STRA6: variants seen among roughly 807,000 people sequenced by gnomAD.
STRA6 encodes the protein receptor for retinol uptake STRA6.
A neutral mutation model predicts 83.6 loss-of-function variants in STRA6; 48 were observed. That is an observed-to-expected ratio of 0.57 (90% CI 0.46 to 0.73). The LOEUF is 0.73. STRA6 is among the 30% of genes least tolerant of loss of function. STRA6 has a pLI of 0.00. For synonymous variants in STRA6, 353 were observed against 362.3 expected (o/e 0.97, Z 0.29); for missense variants, 760 against 838.8 (o/e 0.91, Z 1.16).
At chr15:74,191,680 T>A (rs1285963011) in intron 8 of STRA6, 189 bp from the exon 9 acceptor site, 1 of 640,362 alleles carries the variant, frequency 1.6e-6, no homozygotes, top group East Asian at 2.7e-5. Flanking sequence ...GCTTCCCTTT[T>A]CTCTCTCACA....
At chr15:74,183,712 G>A (rs2073102894) in intron 14 of STRA6, 144 bp downstream of exon 14, 9 of 1,586,712 alleles carry the variant, frequency 5.7e-6, no homozygotes, top group South Asian at 1.1e-5. Flanking sequence ...AGGCAGGGGG[G>A]TCCCTCCTTC....
intron 12 of STRA6, among the ~76,000 whole-genome samples, chr15:74,186,719 C>T (rs142431109): frequency 3.9e-5 from 6 of 152,050 alleles, no homozygotes; most frequent in Admixed American, 6.6e-5. Flanking sequence ...TGCAGTGAGC[C>T]GAGATTGCAC....
chr15:74,209,078 C>T (rs1019426365), upstream of STRA6: 1 of 1,256,138 alleles, frequency 8.0e-7, no homozygotes, highest in Non-Finnish European at 1.0e-6. Context: ...GGCTCTGCCC[C>T]TCCTCCTGCC....
intron 2 of STRA6, among the ~76,000 whole-genome samples, chr15:74,201,597 T>C (rs1307938234): frequency 1.3e-5 from 2 of 152,132 alleles, no homozygotes; most frequent in Non-Finnish European, 2.9e-5. Flanking sequence ...GCACTTCTGC[T>C]AAAGGGAATA....
At chr15:74,211,624 G>A (rs1020782429), upstream of STRA6, among the ~76,000 whole-genome samples, 17 of 151,964 alleles carry the variant, frequency 1.1e-4, no homozygotes, top group African/African-American at 3.9e-4. Flanking sequence ...GGCTGGTCTC[G>A]AACTCCTAAC....
intron 12 of STRA6, among the ~76,000 whole-genome samples, chr15:74,186,162 G>A (rs1356117153): frequency 1.3e-5 from 2 of 152,228 alleles, no homozygotes; most frequent in Admixed American, 6.5e-5. Flanking sequence ...GCCTTAGCCT[G>A]TGAAAGCAAC....
intron 12 of STRA6, among the ~76,000 whole-genome samples, chr15:74,187,290 A>G (rs2073301725): frequency 6.6e-6 from 1 of 151,924 alleles, no homozygotes; most frequent in African/African-American, 2.4e-5. Flanking sequence ...CACTCACACA[A>G]TCTTCCTGCT....
rs2141991865 is a variant in STRA6 at position 74,180,270 on chromosome 15, C to A, written c.1841-27G>T. The A allele has an allele frequency of 2.5e-6, 4 of 1,613,868 alleles. No homozygotes were observed. In the South Asian group the frequency reaches 4.4e-5, roughly 18 times the overall value. On this transcript the variant is annotated intron_variant, in intron 18 of 18. Coordinates refer to ENST00000395105, the MANE Select transcript of STRA6 (RefSeq NM_022369.4). ...TGAGAGAGACGGACTTTCTGTGAGT[C>A]ACTCAGCAAACACCCAGCCAACCCT... is the stretch of plus-strand genomic sequence containing the variant.
chr15:74,212,076 G>A (rs772660257), upstream of STRA6: 1 of 152,588 alleles, frequency 6.6e-6, no homozygotes, highest in Non-Finnish European at 1.5e-5. Context: ...GCCTTGTCTT[G>A]TGCTGACTCA....
At chr15:74,181,872 C>T (rs2073011246) in intron 16 of STRA6, among the ~76,000 whole-genome samples, 1 of 152,194 alleles carries the variant, frequency 6.6e-6, no homozygotes, top group Non-Finnish European at 1.5e-5. Flanking sequence ...TGGGGAGGGG[C>T]ATGGTTTTAA....
intron 4 of STRA6, 32 bp downstream of exon 4, chr15:74,197,306 C>T: frequency 6.6e-7 from 1 of 1,521,882 alleles, no homozygotes; most frequent in Non-Finnish European, 8.9e-7. Context: ...GCTGGGTCCC[C>T]TGAGTGGGGG....
chr15:74,195,901 C>T, intron 5 of STRA6, 107 bp downstream of exon 5: 1 of 1,495,866 alleles, frequency 6.7e-7, no homozygotes, highest in Non-Finnish European at 9.1e-7. Context: ...ATCTCATTGA[C>T]AGCTGTTCCT....
intron 2 of STRA6, among the ~76,000 whole-genome samples, chr15:74,201,366 G>A (rs1294531884): frequency 6.6e-6 from 1 of 152,140 alleles, no homozygotes; most frequent in African/African-American, 2.4e-5. Flanking sequence ...TAAGGGATGG[G>A]GCCAGGCCTG....
chr15:74,189,726 C>T (rs1355855320), intron 11 of STRA6, among the ~76,000 whole-genome samples: 1 of 149,652 alleles, frequency 6.7e-6, no homozygotes, highest in African/African-American at 2.5e-5. Context: ...TGCAGTGGCG[C>T]GATCTCGGCT....
chr15:74,199,459 G>A (rs761070806), intron 2 of STRA6, among the ~76,000 whole-genome samples: 65 of 149,844 alleles, frequency 4.3e-4, no homozygotes, highest in Admixed American at 2.1e-3. Flanking sequence ...CTCTCACTCT[G>A]GTGCGTAGGG....
At position 74,196,012 on chromosome 15, in the gene STRA6, G is replaced by A. The variant is rs2073796951; in HGVS notation, c.402C>T (p.Ser134=). ...GGCCTGGGGGTCAGTGGGTACCTTG[G>A]CTGGGTGCTGAGGCGAGAGTCAGGA... ...LPFLTLASAP[S]QDGKTEAPRG... Residue 134 remains serine (S), a synonymous_variant, in exon 5 of 19, where the codon AGC becomes AGT. Coordinates refer to ENST00000395105, the MANE Select transcript of STRA6 (RefSeq NM_022369.4). The A allele has an allele frequency of 1.2e-6, 2 of 1,613,810 alleles. No homozygotes were observed. The highest frequency in any genetic ancestry group is 1.1e-5 in the South Asian group (1 of 91,064).
rs575303239 is a variant in STRA6 at position 74,184,195 on chromosome 15, C to T, written c.1167-206G>A. Among the ~76,000 whole-genome samples the T allele has an allele frequency of 2.6e-5, 4 of 152,234 alleles. No individual in the cohort carries two copies. The East Asian group carries it at 7.7e-4, about 29-fold the overall frequency. On this transcript the variant is annotated intron_variant, in intron 13 of 18. Transcript: ENST00000395105. Reference sequence around the variant, plus strand: ...TATCTGGGTAGTCTTAAACAGTGAACGAGGAATACAAAACGAGGCAGAAGG... The same window carrying T: ...TATCTGGGTAGTCTTAAACAGTGAATGAGGAATACAAAACGAGGCAGAAGG...
intron 7 of STRA6, chr15:74,195,017 G>A: frequency 7.0e-7 from 1 of 1,434,188 alleles, no homozygotes; most frequent in South Asian, 1.5e-5. Context: ...ATTGGGGGTG[G>A]GGGCCATTTC....
At chr15:74,197,670 A>G in intron 3 of STRA6, 82 bp downstream of exon 3, 1 of 1,552,056 alleles carries the variant, frequency 6.4e-7, no homozygotes, top group Non-Finnish European at 8.8e-7. Flanking sequence ...GCCCCCCTTC[A>G]CCAGCCCCAG....
Sources: gnomAD v4.1 joint callset for allele counts (sites outside exome capture counted in the v4.1 genomes callset) on GRCh38, gnomAD v4.1.1 for gene constraint, MANE v1.5 for transcripts, NCBI Gene and HGNC (gene_info 2026-07-23, HGNC 2026-07-21) for gene names.